KIF13B: variants seen among roughly 807,000 people sequenced by gnomAD.
KIF13B encodes kinesin-like protein KIF13B.
A neutral mutation model predicts 222.0 loss-of-function variants in KIF13B; 127 were observed. That is an observed-to-expected ratio of 0.57 (90% CI 0.50 to 0.66). KIF13B has a LOEUF of 0.66. KIF13B is among the 30% of genes least tolerant of loss of function. The pLI is 0.00. For synonymous variants in KIF13B, 976 were observed against 919.0 expected (o/e 1.06, Z -1.12); for missense variants, 2,173 against 2,379.0 (o/e 0.91, Z 1.80).
chr8:29,125,450 C>A (rs1478240457), intron 26 of KIF13B, among the ~76,000 whole-genome samples: 1 of 152,176 alleles, frequency 6.6e-6, no homozygotes, highest in East Asian at 1.9e-4. Context: ...TAAGTGAAAT[C>A]ACAGAGGACT....
At chr8:29,097,816 A>G (rs948745019) in intron 36 of KIF13B, among the ~76,000 whole-genome samples, 2 of 152,216 alleles carry the variant, frequency 1.3e-5, no homozygotes, top group Non-Finnish European at 2.9e-5. Flanking sequence ...CAGATAATAC[A>G]AATTATCAGT....
chr8:29,199,592 A>G (rs897815095), intron 2 of KIF13B, among the ~76,000 whole-genome samples: 43 of 144,028 alleles, frequency 3.0e-4, no homozygotes, highest in Middle Eastern at 3.5e-3. Context: ...AAAAAAAAAA[A>G]AAAGAAAGAA....
chr8:29,229,626 C>A (rs1185232444), intron 2 of KIF13B, among the ~76,000 whole-genome samples: 1 of 152,204 alleles, frequency 6.6e-6, no homozygotes, highest in African/African-American at 2.4e-5. Context: ...GCATTACTGA[C>A]ACCTTCTAAG....
intron 17 of KIF13B, among the ~76,000 whole-genome samples, chr8:29,146,786 G>A (rs565414621): frequency 2.2e-4 from 33 of 152,276 alleles, no homozygotes; most frequent in African/African-American, 7.2e-4. Flanking sequence ...GCCCCTGTAT[G>A]CAGATCACCA....
intron 2 of KIF13B, among the ~76,000 whole-genome samples, chr8:29,196,780 T>C (rs1397204481): frequency 6.6e-6 from 1 of 152,200 alleles, no homozygotes; most frequent in Non-Finnish European, 1.5e-5. Context: ...GTGGGAATAC[T>C]TGCATTATGC....
At position 29,130,518 on chromosome 8, in the gene KIF13B, TCA is replaced by T. The variant is rs1179494879; in HGVS notation, c.3075+13_3075+14del. 2 of 1,613,472 alleles carry T rather than the reference TCA, an allele frequency of 1.2e-6. No homozygotes were observed. The highest frequency in any genetic ancestry group is 2.2e-5 in the South Asian group (2 of 91,044). ...GCACCAAAGAATCTAATGTAAACAT[TCA>T]CAATCTTGTTACCTGCCGGAGCTGG... On this transcript the variant is annotated intron_variant, in intron 24 of 39. Coordinates refer to ENST00000524189, the MANE Select transcript of KIF13B (RefSeq NM_015254.4).
intron 32 of KIF13B, among the ~76,000 whole-genome samples, chr8:29,112,485 C>T (rs1809403886): frequency 6.6e-6 from 1 of 151,614 alleles, no homozygotes; most frequent in South Asian, 2.1e-4. Context: ...CACTGTTCAC[C>T]TATTGTTCAA....
intron 1 of KIF13B, among the ~76,000 whole-genome samples, chr8:29,253,428 T>C (rs1212720089): frequency 6.6e-6 from 1 of 151,966 alleles, no homozygotes; most frequent in African/African-American, 2.4e-5. Context: ...CAGTGGCTCA[T>C]GCCTGTAATC....
At chr8:29,206,013 C>G (rs748837648) in intron 2 of KIF13B, among the ~76,000 whole-genome samples, 6 of 151,980 alleles carry the variant, frequency 3.9e-5, no homozygotes, top group Non-Finnish European at 5.9e-5. Flanking sequence ...ATCACTTGAA[C>G]TGATGAGCTT....
intron 14 of KIF13B, among the ~76,000 whole-genome samples, chr8:29,154,634 C>G (rs895082193): frequency 2.0e-5 from 3 of 152,160 alleles, no homozygotes; most frequent in African/African-American, 7.2e-5. Flanking sequence ...CATACTGGTT[C>G]AGAGAAGGGT....
chr8:29,102,200 T>C (rs1185817794), intron 35 of KIF13B, among the ~76,000 whole-genome samples: 1 of 152,188 alleles, frequency 6.6e-6, no homozygotes, highest in Non-Finnish European at 1.5e-5. Flanking sequence ...CCTCTGGCTC[T>C]CTCAATAGCT....
rs748662647 is a variant in KIF13B at position 29,099,195 on chromosome 8, C to T, written c.4262G>A (p.Arg1421Lys). The change falls in exon 36 of 40, where the codon AGA (arginine) becomes AAA (lysine). Residue 1421 changes from arginine to lysine, a missense_variant. This residue lies in a region of KIF13B where 693 missense variants were observed against 656.2 expected (regional missense o/e 1.06). Transcript: ENST00000524189. ...QQDVSQTTVSRGIAPAPALSV... is the reference protein window; with the variant it reads ...QQDVSQTTVSKGIAPAPALSV... ...GAGGGCGGGGGCAGGAGCTATTCCT[C>T]TGGAAACTGTGGTTTGGGATACATC... The T allele has an allele frequency of 3.1e-6, 5 of 1,613,638 alleles. No homozygotes were observed. In the East Asian group the frequency reaches 6.7e-5, roughly 22 times the overall value.
At chr8:29,160,065 C>G (rs952641428) in intron 13 of KIF13B, among the ~76,000 whole-genome samples, 10 of 152,244 alleles carry the variant, frequency 6.6e-5, no homozygotes, top group Non-Finnish European at 1.2e-4. Context: ...GGGCTTGACA[C>G]AGCCCATTCT....
chr8:29,247,439 G>A lies in KIF13B; in HGVS notation c.56-2000C>T, dbSNP rs937065789. ...TGTGTGATTCAAAAAGCACACCATC[G>A]ACAGTGAAAAAGGGAATGAAAAAGT... On this transcript the variant is annotated intron_variant, in intron 1 of 39. Transcript: ENST00000524189. 1.8e-4 allele frequency among the ~76,000 whole-genome samples: 28 copies of A among 152,094 alleles called. No homozygotes were observed. The East Asian group carries it at 2.5e-3, about 14-fold the overall frequency.
At chr8:29,076,632 A>G (rs1807572656) in intron 37 of KIF13B, among the ~76,000 whole-genome samples, 1 of 152,218 alleles carries the variant, frequency 6.6e-6, no homozygotes, top group African/African-American at 2.4e-5. Flanking sequence ...CATGTTTACA[A>G]GCATGGAATA....
chr8:29,231,967 T>C (rs1197084161), intron 2 of KIF13B, among the ~76,000 whole-genome samples: 1 of 152,070 alleles, frequency 6.6e-6, no homozygotes, highest in Admixed American at 6.5e-5. Context: ...TAAAAGAAAT[T>C]AGAAATATCT....
chr8:29,191,830 G>A (rs923971384), intron 3 of KIF13B, among the ~76,000 whole-genome samples: 4 of 151,994 alleles, frequency 2.6e-5, no homozygotes, highest in African/African-American at 7.2e-5. Flanking sequence ...TCACTTTTTC[G>A]ATTTCTGTCA....
chr8:29,071,812 TC>T lies in KIF13B; in HGVS notation c.5025del (p.Asn1676MetfsTer42). ...GDPGCSPGAE[G>X]NAPAPGAGGQ... ...CCCCCGGCGCCCGGGGCCGGCGCAT[TC>T]CCCTCGGCCCCCGGGGAGCAGCCGG... On this transcript the variant is annotated frameshift_variant, in exon 39 of 40. Transcript: ENST00000524189. LOFTEE classifies it high-confidence loss of function. The surrounding 1 kb of genome is among the most constrained non-coding windows in gnomAD (Gnocchi z 4.9). The T allele has an allele frequency of 6.5e-7, 1 of 1,543,956 alleles. No individual in the cohort carries two copies. The highest frequency in any genetic ancestry group is 8.7e-7 in the Non-Finnish European group (1 of 1,145,940).
intron 2 of KIF13B, among the ~76,000 whole-genome samples, chr8:29,229,147 C>G (rs1240916462): frequency 6.6e-6 from 1 of 151,026 alleles, no homozygotes; most frequent in Non-Finnish European, 1.5e-5. Context: ...TCAGGACACC[C>G]TTCTGGAGTG....
Sources: gnomAD v4.1 joint callset for allele counts (sites outside exome capture counted in the v4.1 genomes callset) on GRCh38, gnomAD v4.1.1 for gene constraint, gnomAD v4.1.1 regional missense constraint, Gnocchi (gnomAD v3.1) non-coding constraint, MANE v1.5 for transcripts, NCBI Gene and HGNC (gene_info 2026-07-23, HGNC 2026-07-21) for gene names.